Variants in ADCY8 observed in about 807,000 individuals in gnomAD.
ADCY8 encodes the protein adenylate cyclase type 8.
Under a neutral mutation model 119.7 loss-of-function variants are expected in ADCY8, and 51 were observed. That is an observed-to-expected ratio of 0.43 (90% CI 0.34 to 0.54). The LOEUF (loss-of-function observed/expected upper bound fraction) is 0.54, where lower values mean the gene tolerates loss of function less well. Ranked by LOEUF, ADCY8 falls within the 20% of genes least tolerant of loss-of-function variation. ADCY8 has a pLI of 0.03. For synonymous variants in ADCY8, 665 were observed against 651.0 expected (o/e 1.02, Z -0.33); for missense variants, 1,383 against 1,598.8 (o/e 0.87, Z 2.30).
chr8:130,866,246 C>T (rs1284643286), intron 9 of ADCY8, among the ~76,000 whole-genome samples: 1 of 151,914 alleles, frequency 6.6e-6, no homozygotes, highest in Non-Finnish European at 1.5e-5. Flanking sequence ...CATCATCTTC[C>T]CGGAATCCCC....
intron 7 of ADCY8, among the ~76,000 whole-genome samples, chr8:130,896,334 T>G (rs184604036): frequency 2.6e-5 from 4 of 152,306 alleles, no homozygotes; most frequent in Admixed American, 2.6e-4. Flanking sequence ...CATGGCTGAA[T>G]GAATGAATGA....
chr8:131,040,576 C>G lies in ADCY8; in HGVS notation c.-243G>C, dbSNP rs1047682159. The G allele has an allele frequency of 2.5e-6, 1 of 398,624 alleles. No individual in the cohort carries two copies. Among genetic ancestry groups the G allele is most frequent in the Non-Finnish European group, 4.3e-6 (1 of 230,196 alleles). The allele number at this position is 398,624 out of a possible 1,614,324, so 24.7% of individuals were successfully genotyped here. ...CCTTGCGTGCTGCTCTCCCGCCAGCCGGCGCAGCTTGGGTACGCAGCGGCA... is the reference window on the plus strand; with the variant it reads ...CCTTGCGTGCTGCTCTCCCGCCAGCGGGCGCAGCTTGGGTACGCAGCGGCA... On this transcript the variant is annotated 5_prime_UTR_variant, in exon 1 of 18. Coordinates refer to ENST00000286355, the MANE Select transcript of ADCY8 (RefSeq NM_001115.3).
At chr8:130,862,579 A>AT (rs1189421628) in intron 9 of ADCY8, among the ~76,000 whole-genome samples, 1 of 151,988 alleles carries the variant, frequency 6.6e-6, no homozygotes, top group Non-Finnish European at 1.5e-5. Flanking sequence ...CGCCTGGCTA[A>AT]TTTTTTGTAT....
intron 14 of ADCY8, among the ~76,000 whole-genome samples, chr8:130,805,405 G>C (rs1815915680): frequency 6.6e-6 from 1 of 152,216 alleles, no homozygotes; most frequent in South Asian, 2.1e-4. Flanking sequence ...AGGAATAAGT[G>C]ACATGGAAAC....
At chr8:130,955,537 G>A (rs1821401119) in intron 2 of ADCY8, among the ~76,000 whole-genome samples, 1 of 152,098 alleles carries the variant, frequency 6.6e-6, no homozygotes. Flanking sequence ...ACATACACAT[G>A]ATACTCAATG....
At chr8:130,798,791 C>T (rs958470239) in intron 15 of ADCY8, among the ~76,000 whole-genome samples, 2 of 152,092 alleles carry the variant, frequency 1.3e-5, no homozygotes, top group African/African-American at 4.8e-5. Flanking sequence ...GATGAGATGT[C>T]TGCACGCCCA....
At chr8:131,007,233 G>A (rs971271749) in intron 1 of ADCY8, among the ~76,000 whole-genome samples, 7 of 152,162 alleles carry the variant, frequency 4.6e-5, no homozygotes, top group Non-Finnish European at 8.8e-5. Context: ...TATGAACTAT[G>A]TCAGGATCCC....
At chr8:131,001,712 C>T (rs770097599) in intron 1 of ADCY8, among the ~76,000 whole-genome samples, 5 of 151,274 alleles carry the variant, frequency 3.3e-5, no homozygotes, top group Non-Finnish European at 7.4e-5. Context: ...AATATGAGGC[C>T]ATCTATTTTT....
intron 5 of ADCY8, among the ~76,000 whole-genome samples, chr8:130,919,035 C>T (rs1213899621): frequency 6.6e-6 from 1 of 152,182 alleles, no homozygotes; most frequent in Non-Finnish European, 1.5e-5. Context: ...TGCATTCCAG[C>T]CTGGGCGACA....
intron 1 of ADCY8, among the ~76,000 whole-genome samples, chr8:131,030,307 G>A (rs931668386): frequency 1.3e-5 from 2 of 152,110 alleles, no homozygotes; most frequent in Non-Finnish European, 2.9e-5. Context: ...TTTGTGATAA[G>A]GTGATGCTCA....
At chr8:130,783,839 T>A (rs1242578602) in intron 16 of ADCY8, 34 bp from the exon 17 acceptor site, 1 of 1,538,010 alleles carries the variant, frequency 6.5e-7, no homozygotes, top group African/African-American at 1.4e-5. Context: ...AATCATTTAA[T>A]GCGGAATGTG....
intron 6 of ADCY8, among the ~76,000 whole-genome samples, chr8:130,908,964 G>C (rs900251084): frequency 6.7e-6 from 1 of 149,668 alleles, no homozygotes; most frequent in Non-Finnish European, 1.5e-5. Flanking sequence ...TAGGGGGTAG[G>C]AAAAGGAATA....
chr8:130,847,203 G>A lies in ADCY8; in HGVS notation c.2502+221C>T, dbSNP rs574245908. 6.6e-5 allele frequency among the ~76,000 whole-genome samples: 10 copies of A among 152,108 alleles called. No individual in the cohort carries two copies. In the East Asian group the frequency reaches 1.2e-3, roughly 18 times the overall value. On this transcript the variant is annotated intron_variant, in intron 11 of 17. Transcript: ENST00000286355. ...AGGAAGGGGTGAAGATGAAAAAGAGGCAGAGGAGGGGACAGGAAAGAGGAC... is the reference window on the plus strand; with the variant it reads ...AGGAAGGGGTGAAGATGAAAAAGAGACAGAGGAGGGGACAGGAAAGAGGAC...
intron 9 of ADCY8, among the ~76,000 whole-genome samples, chr8:130,856,436 C>T (rs1427931344): frequency 6.6e-6 from 1 of 152,190 alleles, no homozygotes; most frequent in African/African-American, 2.4e-5. Context: ...CACGGCCGGG[C>T]CCTTCTTGGC....
At chr8:131,009,811 G>C (rs1823244108) in intron 1 of ADCY8, among the ~76,000 whole-genome samples, 1 of 152,186 alleles carries the variant, frequency 6.6e-6, no homozygotes, top group Non-Finnish European at 1.5e-5. Context: ...CAAGGATGGG[G>C]AAAGTGTTTT....
At chr8:130,828,337 C>G (rs943784298) in intron 12 of ADCY8, among the ~76,000 whole-genome samples, 1 of 152,216 alleles carries the variant, frequency 6.6e-6, no homozygotes, top group African/African-American at 2.4e-5. Context: ...GAGGGTCCCC[C>G]CCACCCACAG....
chr8:130,836,302 A>G lies in ADCY8; in HGVS notation c.2650T>C (p.Tyr884His). Residue 884 changes from tyrosine (Y) to histidine (H), a missense_variant, in exon 12 of 18, where the codon TAT becomes CAT. Transcript: ENST00000286355. ...ETVYAGLFLR[Y>H]DNLNHSGEDF... ...TCTCCACTGTGGTTGAGGTTGTCAT[A>G]ACGCAGAAAGAGGCCTGCGTAGACG... is the stretch of plus-strand genomic sequence containing the variant. 1 of 1,613,748 alleles carries G rather than the reference A, an allele frequency of 6.2e-7. No homozygotes were observed. Among genetic ancestry groups the G allele is most frequent in the East Asian group, 2.2e-5 (1 of 44,868 alleles).
chr8:130,957,762 C>G (rs1364696610), intron 2 of ADCY8, among the ~76,000 whole-genome samples: 1 of 152,238 alleles, frequency 6.6e-6, no homozygotes, highest in Non-Finnish European at 1.5e-5. Context: ...ATGTAGAGCT[C>G]AGGCCGTGGT....
chr8:130,783,573 C>T, intron 17 of ADCY8, 118 bp downstream of exon 17: 1 of 657,496 alleles, frequency 1.5e-6, no homozygotes, highest in Non-Finnish European at 2.6e-6. Context: ...CAGGGTCATG[C>T]TAGATCTATT....
Sources: gnomAD v4.1 joint callset for allele counts (sites outside exome capture counted in the v4.1 genomes callset) on GRCh38, gnomAD v4.1.1 for gene constraint, MANE v1.5 for transcripts, NCBI Gene and HGNC (gene_info 2026-07-23, HGNC 2026-07-21) for gene names.